LAMTOR1: variants seen among roughly 807,000 people sequenced by gnomAD.
LAMTOR1 encodes the protein ragulator complex protein LAMTOR1.
In LAMTOR1, 8 loss-of-function variants were observed where a neutral mutation model predicts 20.5. The observed-to-expected ratio is 0.39, with a 90% CI of 0.23 to 0.70. The LOEUF (loss-of-function observed/expected upper bound fraction) is 0.70, where lower values mean the gene tolerates loss of function less well. Ranked by LOEUF, LAMTOR1 falls within the 30% of genes least tolerant of loss-of-function variation. The pLI is 0.43. For missense variants in LAMTOR1, 135 were observed against 206.2 expected, an observed-to-expected ratio of 0.65 and a Z score of 2.11; for synonymous variants, 77 against 80.9, an observed-to-expected ratio of 0.95 and a Z score of 0.26.
chr11:72,098,997 A>C, intron 2 of LAMTOR1, 114 bp downstream of exon 2: 1 of 1,447,544 alleles, frequency 6.9e-7, no homozygotes, highest in East Asian at 2.3e-5. Context: ...ACATGGAGGC[A>C]CCTCTCCCCA....
At chr11:72,098,707 G>A in intron 3 of LAMTOR1, 74 bp downstream of exon 3, 4 of 1,133,362 alleles carry the variant, frequency 3.5e-6, no homozygotes, top group East Asian at 5.2e-5. Context: ...TAGGGGCCAG[G>A]CTCCAAAGCT....
intron 4 of LAMTOR1, 160 bp from the exon 5 acceptor site, chr11:72,098,074 G>T: frequency 9.6e-7 from 1 of 1,041,686 alleles, no homozygotes. Flanking sequence ...AGAAGGAAAA[G>T]AACAAAGGGG....
At position 72,103,287 on chromosome 11, in the gene LAMTOR1, T is replaced by G; in HGVS notation, c.-63A>C. 6.5e-7 allele frequency: 1 copy of G among 1,530,856 alleles called. No individual in the cohort carries two copies. The highest frequency in any genetic ancestry group is 8.8e-7 in the Non-Finnish European group (1 of 1,138,956). The allele number at this position is 1,530,856 out of a possible 1,614,324, so 94.8% of individuals were successfully genotyped here. On this transcript the variant is annotated 5_prime_UTR_variant, in exon 1 of 5. Transcript: ENST00000278671. ...AGGGACGGCGTCCGTGAGGAGCCCT[T>G]CCGGTCACATGACCCGCGGCGGCCT...
intron 1 of LAMTOR1, among the ~76,000 whole-genome samples, chr11:72,101,228 A>G (rs1456550597): frequency 9.2e-5 from 14 of 152,192 alleles, no homozygotes; most frequent in Admixed American, 9.2e-4. Flanking sequence ...ACTTCAGAGC[A>G]GACAAACATC....
chr11:72,098,836 C>G lies in LAMTOR1; in HGVS notation c.211G>C (p.Ala71Pro), dbSNP rs1374700688. Reference sequence around the variant, plus strand: ...TGCTGCTCCATGCCCTGTGAGTCTGCAGCAGACACATCAATGATGTTGCTA... The same window carrying G: ...TGCTGCTCCATGCCCTGTGAGTCTGGAGCAGACACATCAATGATGTTGCTA... ...TASNIIDVSA[A>P]DSQGMEQHEY... The change falls in exon 3 of 5, where the codon GCA (alanine) becomes CCA (proline). Residue 71 changes from alanine (A) to proline (P), a missense_variant. Physicochemically the swap from Ala to Pro is conservative, Grantham distance 27. Coordinates refer to ENST00000278671, the MANE Select transcript of LAMTOR1 (RefSeq NM_017907.3). 6.4e-7 allele frequency: 1 copy of G among 1,550,696 alleles called. No individual in the cohort carries two copies. The highest frequency in any genetic ancestry group is 2.0e-5 in the Admixed American group (1 of 50,896).
intron 1 of LAMTOR1, chr11:72,100,758 C>T (rs1331926025): frequency 6.6e-6 from 1 of 152,344 alleles, no homozygotes; most frequent in Non-Finnish European, 1.5e-5. Context: ...GGGCTACTTC[C>T]TCCTGCCCTG....
Position 72,098,420 on chromosome 11 carries a change from C to T in LAMTOR1, c.267-5G>A. The stretch of plus-strand genomic sequence containing the variant: ...CTCAGCACAGCCAAGCGGGTGCTGA[C>T]CAAGAGAGAGGGGGTGGGGGTAGGC... On this transcript the variant is annotated splice_polypyrimidine_tract_variant and splice_region_variant and intron_variant, in intron 3 of 4. Transcript: ENST00000278671. 2 of 1,607,514 alleles carry T rather than the reference C, an allele frequency of 1.2e-6. No homozygotes were observed. The highest frequency in any genetic ancestry group is 1.7e-6 in the Non-Finnish European group (2 of 1,177,750).
Position 72,099,156 on chromosome 11 carries a change from G to C in LAMTOR1, c.143C>G (p.Thr48Ser). 1 of 1,613,968 alleles carries C rather than the reference G, an allele frequency of 6.2e-7. No homozygotes were observed. The highest frequency in any genetic ancestry group is 1.1e-5 in the South Asian group (1 of 91,080). ...PNYHSLPSAR[T>S]DEQALLSSIL... ...GGAAGAGAGCAGGGCCTGCTCATCA[G>C]TGCGAGCGGAAGGCAGGCTGTGGTA... The change falls in exon 2 of 5, where the codon ACT (threonine) becomes AGT (serine). Residue 48 changes from threonine to serine, a missense_variant. Thr to Ser is a moderately conservative substitution (Grantham distance 58). Transcript: ENST00000278671.
Position 72,097,321 on chromosome 11 carries a change from G to A in LAMTOR1, c.*501C>T, listed in dbSNP as rs1945261111. On this transcript the variant is annotated 3_prime_UTR_variant, in exon 5 of 5. Coordinates refer to ENST00000278671, the MANE Select transcript of LAMTOR1 (RefSeq NM_017907.3). ...TGAATATACTTCCTTTATCGAGGGTGACAAACCAAAACAAAAAAAGACCAA... is the reference window on the plus strand; with the variant it reads ...TGAATATACTTCCTTTATCGAGGGTAACAAACCAAAACAAAAAAAGACCAA... 1 of 995,092 alleles carries A rather than the reference G, an allele frequency of 1.0e-6. No homozygotes were observed. The allele number at this position is 995,092 out of a possible 1,614,324, so 61.6% of individuals were successfully genotyped here.
chr11:72,099,292 A>AC, intron 1 of LAMTOR1, 36 bp from the exon 2 acceptor site: 1 of 1,513,846 alleles, frequency 6.6e-7, no homozygotes, highest in Non-Finnish European at 8.9e-7. Flanking sequence ...CAGCCCCAGG[A>AC]CCCGTAGATC....
In LAMTOR1 at chr11:72,097,728, G is replaced by C; in HGVS notation, c.*94C>G. 6.2e-7 allele frequency: 1 copy of C among 1,601,112 alleles called. No homozygotes were observed. The highest frequency in any genetic ancestry group is 8.5e-7 in the Non-Finnish European group (1 of 1,173,994). ...TTTCTCTGTGATTAGTAGCAGGTTA[G>C]GGTACTGTATAAGCCGCAGTGAGGC... On this transcript the variant is annotated 3_prime_UTR_variant, in exon 5 of 5. Coordinates refer to ENST00000278671, the MANE Select transcript of LAMTOR1 (RefSeq NM_017907.3).
At position 72,099,105 on chromosome 11, in the gene LAMTOR1, ACTTACCTGG is replaced by A; in HGVS notation, c.185_188+5del. The stretch of plus-strand genomic sequence containing the variant: ...TCTGACCCAGGCCTGGTCCTCTGAC[ACTTACCTGG>A]CTGTCTTGGCAAGGATGGAAGAGAG... On this transcript the variant is annotated splice_donor_variant and splice_donor_5th_base_variant and coding_sequence_variant and intron_variant, in exon 2 of 5. Transcript: ENST00000278671. LOFTEE classifies it high-confidence loss of function. 6.2e-7 allele frequency: 1 copy of A among 1,613,728 alleles called. No homozygotes were observed. Among genetic ancestry groups the A allele is most frequent in the Non-Finnish European group, 8.5e-7 (1 of 1,179,954 alleles).
At chr11:72,102,720 C>G (rs1202987098) in intron 1 of LAMTOR1, among the ~76,000 whole-genome samples, 5 of 152,218 alleles carry the variant, frequency 3.3e-5, no homozygotes, top group Admixed American at 6.5e-5. Flanking sequence ...AGACTAGCAG[C>G]GACCTTCCTT....
chr11:72,098,864 G>T lies in LAMTOR1; in HGVS notation c.189-6C>A. ...CAGACACATCAATGATGTTGCTATG[G>T]GGAGAGGAGACAGAGATGACATGAC... On this transcript the variant is annotated splice_region_variant and splice_polypyrimidine_tract_variant and intron_variant, in intron 2 of 4. Transcript: ENST00000278671. 1 of 1,543,592 alleles carries T rather than the reference G, an allele frequency of 6.5e-7. No homozygotes were observed. Among genetic ancestry groups the T allele is most frequent in the Non-Finnish European group, 8.7e-7 (1 of 1,143,938 alleles).
At chr11:72,101,631 T>A (rs1193398713) in intron 1 of LAMTOR1, among the ~76,000 whole-genome samples, 2 of 152,148 alleles carry the variant, frequency 1.3e-5, no homozygotes, top group Non-Finnish European at 2.9e-5. Context: ...GAGACAGAGA[T>A]GAGAGTCGGA....
At chr11:72,101,465 G>A (rs1215340155) in intron 1 of LAMTOR1, among the ~76,000 whole-genome samples, 3 of 152,212 alleles carry the variant, frequency 2.0e-5, no homozygotes, top group Non-Finnish European at 2.9e-5. Context: ...GCACTTCTCA[G>A]CTTGGCCAAA....
Position 72,097,528 on chromosome 11 carries a change from T to C in LAMTOR1, c.*294A>G. The C allele has an allele frequency of 1.7e-6, 2 of 1,176,084 alleles. No individual in the cohort carries two copies. Among genetic ancestry groups the C allele is most frequent in the Non-Finnish European group, 2.1e-6 (2 of 943,550 alleles). 72.9% of individuals were successfully genotyped at this position (1,176,084 alleles called of 1,614,324 possible). The stretch of plus-strand genomic sequence containing the variant: ...GGGATCTCCCTAGGTCCCCTGGTGA[T>C]CACCCCCCACCCAAACTGGTATCTC... On this transcript the variant is annotated 3_prime_UTR_variant, in exon 5 of 5. Coordinates refer to ENST00000278671, the MANE Select transcript of LAMTOR1 (RefSeq NM_017907.3).
In LAMTOR1 at chr11:72,097,698, A is replaced by T; in HGVS notation, c.*124T>A. On this transcript the variant is annotated 3_prime_UTR_variant, in exon 5 of 5. Coordinates refer to ENST00000278671, the MANE Select transcript of LAMTOR1 (RefSeq NM_017907.3). ...AGCCTTCCTCTTCTCCTCCTTCTTCACATTTTTCTCTGTGATTAGTAGCAG... is the reference window on the plus strand; with the variant it reads ...AGCCTTCCTCTTCTCCTCCTTCTTCTCATTTTTCTCTGTGATTAGTAGCAG... 3 of 1,558,218 alleles carry T rather than the reference A, an allele frequency of 1.9e-6. No homozygotes were observed. Among genetic ancestry groups the T allele is most frequent in the Non-Finnish European group, 2.6e-6 (3 of 1,150,174 alleles).
Position 72,098,787 on chromosome 11 carries a change from T to C in LAMTOR1, c.260A>G (p.Gln87Arg). ...EQHEYMDRAR[Q>R]YSTRLAVLSS... ...ACGCTGGCCAGGTGCTCACCTGTAC[T>C]GCCTGGCACGGTCCATGTACTCATG... The change falls in exon 3 of 5, where the codon CAG (glutamine) becomes CGG (arginine). Residue 87 changes from glutamine to arginine, a missense_variant. Gln to Arg is a conservative substitution (Grantham distance 43). Transcript: ENST00000278671. 1 of 1,548,310 alleles carries C rather than the reference T, an allele frequency of 6.5e-7. No individual in the cohort carries two copies. Among genetic ancestry groups the C allele is most frequent in the Admixed American group, 2.0e-5 (1 of 50,598 alleles).
Sources: allele counts gnomAD v4.1 joint callset (sites outside exome capture counted in the v4.1 genomes callset), GRCh38; gene constraint gnomAD v4.1.1; transcripts MANE v1.5; gene names NCBI Gene and HGNC (gene_info 2026-07-23, HGNC 2026-07-21).